Variants in LIN28B observed in about 807,000 individuals in gnomAD.
LIN28B encodes protein lin-28 homolog B.
A neutral mutation model predicts 21.9 loss-of-function variants in LIN28B; 5 were observed. The observed-to-expected ratio is 0.23, with a 90% CI of 0.12 to 0.48. The LOEUF is 0.48. Among genes scored for constraint, LIN28B ranks in the 20% least tolerant of loss-of-function variants. LIN28B has a pLI of 0.98. For missense variants in LIN28B, 245 were observed against 310.5 expected, an observed-to-expected ratio of 0.79 and a Z score of 1.58; for synonymous variants, 109 against 111.3, an observed-to-expected ratio of 0.98 and a Z score of 0.13.
intron 2 of LIN28B, among the ~76,000 whole-genome samples, chr6:104,995,494 G>C (rs1402864673): frequency 1.3e-5 from 2 of 152,110 alleles, no homozygotes; most frequent in African/African-American, 2.4e-5. Flanking sequence ...CATCCAGTTG[G>C]ATATATTCAT....
intron 2 of LIN28B, among the ~76,000 whole-genome samples, chr6:104,958,536 C>G (rs1027829257): frequency 7.2e-5 from 11 of 152,074 alleles, no homozygotes; most frequent in African/African-American, 2.7e-4. Context: ...AGCATTTCCC[C>G]CTGCTTCATT....
At chr6:105,016,721 A>G (rs1323159562) in intron 2 of LIN28B, among the ~76,000 whole-genome samples, 1 of 152,110 alleles carries the variant, frequency 6.6e-6, no homozygotes, top group Non-Finnish European at 1.5e-5. Flanking sequence ...TAAATGAAAA[A>G]TTATGATCTT....
chr6:104,991,642 T>C (rs899771655), intron 2 of LIN28B, among the ~76,000 whole-genome samples: 20 of 152,114 alleles, frequency 1.3e-4, no homozygotes, highest in African/African-American at 4.8e-4. Context: ...ATCTCGGCAC[T>C]TTGGGAGGCC....
At chr6:105,051,388 G>T (rs1182720513) in intron 3 of LIN28B, among the ~76,000 whole-genome samples, 22 of 148,576 alleles carry the variant, frequency 1.5e-4, no homozygotes, top group Admixed American at 1.5e-3. Context: ...GCAGTGAGCT[G>T]AGATCGTGCC....
chr6:104,955,626 T>A (rs1030484157), upstream of LIN28B, among the ~76,000 whole-genome samples: 1 of 151,630 alleles, frequency 6.6e-6, no homozygotes, highest in South Asian at 2.1e-4. Flanking sequence ...TTAGCTTGTG[T>A]GAAACAGTGC....
At chr6:105,034,353 A>T (rs1771481630) in intron 3 of LIN28B, among the ~76,000 whole-genome samples, 1 of 151,910 alleles carries the variant, frequency 6.6e-6, no homozygotes, top group Admixed American at 6.6e-5. Flanking sequence ...CATTTTGTTC[A>T]ATATTTAGTT....
intron 2 of LIN28B, among the ~76,000 whole-genome samples, chr6:105,000,459 C>T (rs1226665830): frequency 1.3e-5 from 2 of 152,082 alleles, no homozygotes; most frequent in African/African-American, 4.8e-5. Flanking sequence ...AAAGCAATAG[C>T]AGTCACTTAT....
intron 2 of LIN28B, among the ~76,000 whole-genome samples, chr6:105,025,961 A>G (rs1253490703): frequency 2.0e-5 from 3 of 152,082 alleles, no homozygotes; most frequent in Admixed American, 6.6e-5. Context: ...ATGTTCAGAT[A>G]GATGTAATTA....
chr6:105,037,706 T>C (rs1696135076), intron 3 of LIN28B, among the ~76,000 whole-genome samples: 1 of 151,902 alleles, frequency 6.6e-6, no homozygotes, highest in African/African-American at 2.4e-5. Context: ...AGACTGGGTT[T>C]TGCCACGTTG....
intron 2 of LIN28B, among the ~76,000 whole-genome samples, chr6:105,025,170 A>G (rs1049272807): frequency 6.6e-6 from 1 of 152,226 alleles, no homozygotes; most frequent in Non-Finnish European, 1.5e-5. Flanking sequence ...CAGTTTATTT[A>G]AAGAACTGGA....
At chr6:105,057,681 GTT>G (rs1413949634) in intron 3 of LIN28B, among the ~76,000 whole-genome samples, 1 of 151,942 alleles carries the variant, frequency 6.6e-6, no homozygotes, top group Non-Finnish European at 1.5e-5. Flanking sequence ...TTATTGTGTA[GTT>G]TTACCACTAT....
At chr6:105,017,072 C>CAAAAAAAAAA (rs56179020) in intron 2 of LIN28B, among the ~76,000 whole-genome samples, 1 of 86,060 alleles carries the variant, frequency 1.2e-5, no homozygotes. Flanking sequence ...GACTCTGTCT[C>CAAAAAAAAAA]AAAAAAAAAA....
intron 2 of LIN28B, among the ~76,000 whole-genome samples, chr6:104,972,596 T>G (rs983439499): frequency 2.6e-5 from 4 of 152,158 alleles, no homozygotes; most frequent in African/African-American, 9.7e-5. Context: ...TGTTGCTACT[T>G]GTTTTTGTGT....
intron 2 of LIN28B, among the ~76,000 whole-genome samples, chr6:104,978,099 T>C (rs1770140381): frequency 6.6e-6 from 1 of 152,370 alleles, no homozygotes; most frequent in East Asian, 1.9e-4. Context: ...ATATTCATTA[T>C]GCATTGAGTT....
intron 2 of LIN28B, among the ~76,000 whole-genome samples, chr6:104,966,379 CTG>C (rs568942678): frequency 6.6e-6 from 1 of 152,148 alleles, no homozygotes; most frequent in African/African-American, 2.4e-5. Flanking sequence ...AATTTAAAAA[CTG>C]TAACAATCTC....
At chr6:104,955,714 C>A (rs1262584853), upstream of LIN28B, among the ~76,000 whole-genome samples, 2 of 143,666 alleles carry the variant, frequency 1.4e-5, no homozygotes, top group Non-Finnish European at 3.0e-5. Flanking sequence ...GTAGCTTTGT[C>A]GAAGGAAGTG....
intron 2 of LIN28B, among the ~76,000 whole-genome samples, chr6:104,983,080 A>G (rs955605186): frequency 1.3e-5 from 2 of 152,136 alleles, no homozygotes; most frequent in South Asian, 2.1e-4. Flanking sequence ...AGTGCTGGCC[A>G]TAACACCTGG....
At chr6:104,984,386 C>T (rs1770290480) in intron 2 of LIN28B, among the ~76,000 whole-genome samples, 1 of 152,032 alleles carries the variant, frequency 6.6e-6, no homozygotes, top group Non-Finnish European at 1.5e-5. Flanking sequence ...CTTTTGTTGG[C>T]TTTACCTCAA....
chr6:104,943,628 A>G (rs1331897295), intron 2 of LIN28B, among the ~76,000 whole-genome samples: 1 of 152,148 alleles, frequency 6.6e-6, no homozygotes, highest in Non-Finnish European at 1.5e-5. Flanking sequence ...GGACAACTAA[A>G]GCGTTTTCTT....
Sources: gnomAD v4.1 joint callset for allele counts (sites outside exome capture counted in the v4.1 genomes callset) on GRCh38, gnomAD v4.1.1 for gene constraint, MANE v1.5 for transcripts, NCBI Gene and HGNC (gene_info 2026-07-23, HGNC 2026-07-21) for gene names.